Variants in HTR4 observed in about 807,000 individuals in gnomAD.
HTR4 encodes the protein 5-hydroxytryptamine receptor 4.
HTR4 carries 16 observed loss-of-function variants against 36.8 expected under a neutral mutation model. The observed-to-expected ratio is 0.43, with a 90% CI of 0.29 to 0.66. The LOEUF (loss-of-function observed/expected upper bound fraction) is 0.66, where lower values mean the gene tolerates loss of function less well. HTR4 is among the 30% of genes least tolerant of loss of function. The probability of loss-of-function intolerance (pLI) is 0.13; values close to 1 mark genes in which losing one functional copy is unlikely to be tolerated. For synonymous variants in HTR4, 189 were observed against 185.1 expected, an observed-to-expected ratio of 1.02 and a Z score of -0.17; for missense variants, 438 against 490.9, an observed-to-expected ratio of 0.89 and a Z score of 1.02.
intron 2 of HTR4, among the ~76,000 whole-genome samples, chr5:148,569,275 A>G (rs968644831): frequency 6.6e-6 from 1 of 152,158 alleles, no homozygotes; most frequent in African/African-American, 2.4e-5. Flanking sequence ...CAAATACGGC[A>G]TGTTCTCACT....
At position 148,654,386 on chromosome 5, in the gene HTR4, C is replaced by T; in HGVS notation, c.-372G>A. ...TCCCCGCTGCCCTGCCCGCTGCCGCCCCCACTGGGCGCCAGGGACAGCGGG... is the reference window on the plus strand; with the variant it reads ...TCCCCGCTGCCCTGCCCGCTGCCGCTCCCACTGGGCGCCAGGGACAGCGGG... On this transcript the variant is annotated 5_prime_UTR_variant, in exon 1 of 7. Coordinates refer to ENST00000377888, the MANE Select transcript of HTR4 (RefSeq NM_000870.7). The T allele has an allele frequency of 1.0e-6, 1 of 985,484 alleles. No homozygotes were observed. Among genetic ancestry groups the T allele is most frequent in the Non-Finnish European group, 1.2e-6 (1 of 829,958 alleles). The allele number at this position is 985,484 out of a possible 1,614,324, so 61.0% of individuals were successfully genotyped here.
intron 2 of HTR4, among the ~76,000 whole-genome samples, chr5:148,583,594 C>T (rs1458330011): frequency 1.3e-5 from 2 of 149,984 alleles, no homozygotes; most frequent in East Asian, 3.9e-4. Flanking sequence ...ATAGAAAACA[C>T]TCATTAATAC....
intron 5 of HTR4, among the ~76,000 whole-genome samples, chr5:148,514,228 C>G (rs1375850150): frequency 6.6e-6 from 1 of 152,064 alleles, no homozygotes; most frequent in African/African-American, 2.4e-5. Context: ...ATGATATTTG[C>G]TATAAATTGT....
intron 2 of HTR4, among the ~76,000 whole-genome samples, chr5:148,635,630 A>T (rs1753506372): frequency 6.6e-6 from 1 of 152,196 alleles, no homozygotes; most frequent in Non-Finnish European, 1.5e-5. Context: ...AGTACATTTT[A>T]ACCAACTGAT....
chr5:148,553,084 C>T (rs146457383), intron 2 of HTR4, among the ~76,000 whole-genome samples: 140 of 152,266 alleles, frequency 9.2e-4, no homozygotes, highest in Non-Finnish European at 1.6e-3. Flanking sequence ...AATTTCTGAG[C>T]ACCTACTCTG....
rs140387713 is a variant in HTR4 at position 148,509,783 on chromosome 5, C to T, written c.749G>A (p.Arg250His). Residue 250 changes from arginine (R) to histidine (H), a missense_variant, in exon 6 of 7, where the codon CGC becomes CAC. Physicochemically the swap from Arg to His is conservative, Grantham distance 29. Transcript: ENST00000377888. ...PQSADQHSTHRMRTETKAAKT... is the reference protein window; with the variant it reads ...PQSADQHSTHHMRTETKAAKT... ...GGCTGCTTTGGTCTCTGTCCTCATG[C>T]GATGAGTGCTATGCTGGTCTGCCGA... 1.6e-4 allele frequency: 257 copies of T among 1,613,852 alleles called. 1 individual carries two copies. The highest frequency in any genetic ancestry group is 4.9e-4 in the Middle Eastern group (3 of 6,082).
downstream of HTR4, among the ~76,000 whole-genome samples, chr5:148,473,601 T>C (rs1755626071): frequency 6.6e-6 from 1 of 152,202 alleles, no homozygotes; most frequent in Non-Finnish European, 1.5e-5. Context: ...TGACTAGATA[T>C]TTCTCACCTA....
chr5:148,617,719 G>A (rs997054322), intron 2 of HTR4, among the ~76,000 whole-genome samples: 12 of 151,930 alleles, frequency 7.9e-5, no homozygotes, highest in Admixed American at 1.3e-4. Context: ...TGCCTGTCTC[G>A]GCCTCTCAAA....
intron 2 of HTR4, among the ~76,000 whole-genome samples, chr5:148,619,163 C>T (rs1027981563): frequency 6.6e-6 from 1 of 151,972 alleles, no homozygotes; most frequent in Non-Finnish European, 1.5e-5. Flanking sequence ...GAATTCAGTC[C>T]AGCTTTGTTT....
rs10053171 is a variant in HTR4, at chr5:148,639,310, C to T, written c.-47-2249G>A. Among the ~76,000 whole-genome samples the T allele has an allele frequency of 2.5e-3, 373 of 152,200 alleles. 2 individuals carry two copies. Among genetic ancestry groups the T allele is most frequent in the African/African-American group, 8.7e-3 (360 of 41,532 alleles). On this transcript the variant is annotated intron_variant, in intron 1 of 6. Transcript: ENST00000377888. Reference sequence around the variant, plus strand: ...AAATTCCTTATCATAGCTAACCAGACCTTACATGATCTGGCCCCCACTCTT... The same window carrying T: ...AAATTCCTTATCATAGCTAACCAGATCTTACATGATCTGGCCCCCACTCTT...
Position 148,462,778 on chromosome 5 carries a change from C to T in HTR4, c.1077-11506G>A, listed in dbSNP as rs111993666. Among the ~76,000 whole-genome samples, 1,204 of 152,150 alleles carry T rather than the reference C, an allele frequency of 7.9e-3. 18 individuals carry two copies. The highest frequency in any genetic ancestry group is 0.028 in the African/African-American group (1,154 of 41,516). The stretch of plus-strand genomic sequence containing the variant: ...AATCATCAACAAGATATTAGCAAAT[C>T]AAGTCTAACAATGTATACACAGAAT... On this transcript the variant is annotated intron_variant, in intron 5 of 5. Transcript: ENST00000521530.
intron 5 of HTR4, among the ~76,000 whole-genome samples, chr5:148,462,395 T>C (rs1310202045): frequency 2.0e-5 from 3 of 151,970 alleles, no homozygotes; most frequent in Non-Finnish European, 4.4e-5. Flanking sequence ...TACTACAAAA[T>C]ATGCCCACAA....
At chr5:148,585,180 G>T (rs769388656) in intron 2 of HTR4, among the ~76,000 whole-genome samples, 14 of 152,102 alleles carry the variant, frequency 9.2e-5, no homozygotes, top group African/African-American at 1.4e-4. Context: ...GCTTAAAATG[G>T]CACATTGCAA....
In HTR4 at chr5:148,618,293, G is replaced by A. The variant is rs557733052; in HGVS notation, c.26+18696C>T. Among the ~76,000 whole-genome samples the A allele has an allele frequency of 3.3e-5, 5 of 152,202 alleles. No individual in the cohort carries two copies. The South Asian group carries it at 1.0e-3, about 32-fold the overall frequency. Reference sequence around the variant, plus strand: ...AGTCATTCCCCAAAAGCAAAATCAGGGTTCTATCCGCAAGGATACTGTGCA... The same window carrying A: ...AGTCATTCCCCAAAAGCAAAATCAGAGTTCTATCCGCAAGGATACTGTGCA... On this transcript the variant is annotated intron_variant, in intron 2 of 6. Coordinates refer to ENST00000377888, the MANE Select transcript of HTR4 (RefSeq NM_000870.7).
intron 2 of HTR4, among the ~76,000 whole-genome samples, chr5:148,603,785 C>T (rs1056757453): frequency 6.6e-6 from 1 of 151,696 alleles, no homozygotes; most frequent in African/African-American, 2.4e-5. Context: ...TACAGTAACA[C>T]ATGAAATGTC....
intron 2 of HTR4, among the ~76,000 whole-genome samples, chr5:148,615,707 A>AT (rs773040493): frequency 0.015 from 1,760 of 117,200 alleles, 19 homozygotes; most frequent in South Asian, 0.05. Context: ...AAAGAAAGAA[A>AT]GAAATAAAAT....
chr5:148,456,031 A>G (rs973559615), intron 5 of HTR4, among the ~76,000 whole-genome samples: 6 of 152,062 alleles, frequency 3.9e-5, no homozygotes, highest in African/African-American at 1.4e-4. Context: ...ACGTTGTTCA[A>G]GGCTCAACTG....
chr5:148,541,089 A>G (rs1435169744), intron 4 of HTR4, among the ~76,000 whole-genome samples: 1 of 152,202 alleles, frequency 6.6e-6, no homozygotes, highest in Non-Finnish European at 1.5e-5. Flanking sequence ...GTCCTAAAAG[A>G]GAAGGGAAGG....
At chr5:148,605,058 A>G (rs192685380) in intron 2 of HTR4, among the ~76,000 whole-genome samples, 1 of 152,248 alleles carries the variant, frequency 6.6e-6, no homozygotes, top group African/African-American at 2.4e-5. Context: ...TGGCTCAGAC[A>G]GTATAGGAAC....
Sources: allele counts gnomAD v4.1 joint callset (sites outside exome capture counted in the v4.1 genomes callset), GRCh38; gene constraint gnomAD v4.1.1; transcripts MANE v1.5; gene names NCBI Gene and HGNC (gene_info 2026-07-23, HGNC 2026-07-21).